The following MBD5 variants were observed in gnomAD, a reference collection of about 807,000 sequenced individuals.
MBD5 encodes the protein methyl-CpG binding domain protein 5.
Under a neutral mutation model 117.3 loss-of-function variants are expected in MBD5, and 13 were observed. The ratio of observed to expected loss-of-function variants is 0.11; its 90% CI spans 0.07 to 0.18. The LOEUF (loss-of-function observed/expected upper bound fraction) is 0.18, where lower values mean the gene tolerates loss of function less well. Among genes scored for constraint, MBD5 ranks in the 10% least tolerant of loss-of-function variants. MBD5 has a pLI of 1.00. For missense variants in MBD5, 1,879 were observed against 2,093.8 expected, an observed-to-expected ratio of 0.90 and a Z score of 2.00; for synonymous variants, 727 against 766.4, an observed-to-expected ratio of 0.95 and a Z score of 0.85.
chr2:148,103,004 G>A (rs1245244834), intron 1 of MBD5, among the ~76,000 whole-genome samples: 3 of 152,010 alleles, frequency 2.0e-5, no homozygotes, highest in East Asian at 3.9e-4. Context: ...AACTCACCAA[G>A]AAAAGATAGA....
intron 8 of MBD5, among the ~76,000 whole-genome samples, chr2:148,481,122 GA>G (rs1359985945): frequency 1.3e-5 from 2 of 151,810 alleles, no homozygotes; most frequent in South Asian, 2.1e-4. Context: ...TTTTTCTAAG[GA>G]AAAAGTTCAA....
chr2:148,420,391 A>G lies in MBD5; in HGVS notation c.-556-37812A>G, dbSNP rs185272090. The stretch of plus-strand genomic sequence containing the variant: ...CTGTCTTTTGTCCCCCAACTTCAAA[A>G]CCCATCTCCTATTTCATTTTTGTAT... On this transcript the variant is annotated intron_variant, in intron 4 of 13. Coordinates refer to ENST00000642680, the MANE Select transcript of MBD5 (RefSeq NM_001378120.1). Among the ~76,000 whole-genome samples the G allele has an allele frequency of 6.2e-4, 94 of 152,094 alleles. 2 individuals are homozygous for G. Among genetic ancestry groups the G allele is most frequent in the Admixed American group, 2.1e-3 (32 of 15,258 alleles).
chr2:148,294,196 GTTTTTTTTTTTTTTTTTTTT>G (rs60942822), intron 3 of MBD5, among the ~76,000 whole-genome samples: 19 of 127,152 alleles, frequency 1.5e-4, no homozygotes, highest in African/African-American at 4.5e-4. Flanking sequence ...CCAGAATGAA[GTTTTTTTTTTTTTTTTTTTT>G]TTTTTTTTTT....
intron 11 of MBD5, among the ~76,000 whole-genome samples, chr2:148,501,785 G>C (rs1400281848): frequency 6.6e-6 from 1 of 152,150 alleles, no homozygotes; most frequent in East Asian, 1.9e-4. Context: ...ACAAGGCATA[G>C]CAACACCCTC....
chr2:148,399,085 G>A (rs1048163307), intron 4 of MBD5, among the ~76,000 whole-genome samples: 4 of 152,156 alleles, frequency 2.6e-5, no homozygotes, highest in Admixed American at 6.5e-5. Context: ...GTCAGGTAGA[G>A]TGATGCCTCC....
intron 1 of MBD5, among the ~76,000 whole-genome samples, chr2:148,063,925 A>G (rs928041341): frequency 2.6e-5 from 4 of 151,986 alleles, no homozygotes; most frequent in Non-Finnish European, 4.4e-5. Context: ...AGTGCCAACA[A>G]GCTCTAGTTT....
chr2:148,357,422 A>G (rs1703411952), intron 4 of MBD5, among the ~76,000 whole-genome samples: 1 of 150,890 alleles, frequency 6.6e-6, no homozygotes, highest in Non-Finnish European at 1.5e-5. Context: ...TGTCCTTTGT[A>G]GGTCATCTGC....
intron 1 of MBD5, among the ~76,000 whole-genome samples, chr2:148,166,579 A>G (rs1052007174): frequency 6.6e-6 from 1 of 152,134 alleles, no homozygotes; most frequent in Non-Finnish European, 1.5e-5. Context: ...CTTTTCCTAC[A>G]TCACTGAGGA....
At chr2:148,233,981 C>T (rs1425223417) in intron 3 of MBD5, among the ~76,000 whole-genome samples, 1 of 152,122 alleles carries the variant, frequency 6.6e-6, no homozygotes, top group East Asian at 1.9e-4. Flanking sequence ...GCTCCTATTG[C>T]TCCCAAAGAG....
intron 4 of MBD5, among the ~76,000 whole-genome samples, chr2:148,426,247 A>G (rs1480517302): frequency 6.6e-6 from 1 of 152,212 alleles, no homozygotes; most frequent in Admixed American, 6.5e-5. Context: ...TATAGATTCA[A>G]TGCCATCCCC....
Position 148,151,359 on chromosome 2 carries a change from G to C in MBD5, c.-924-27341G>C, listed in dbSNP as rs1410699822. Among the ~76,000 whole-genome samples the C allele has an allele frequency of 1.9e-4, 29 of 151,838 alleles. No homozygotes were observed. The East Asian group carries it at 5.4e-3, about 28-fold the overall frequency. The stretch of plus-strand genomic sequence containing the variant: ...TTTGGTTTGCCAGTATTTTATTGAG[G>C]ATTTTTGCATCAATGTTCATCAAGG... On this transcript the variant is annotated intron_variant, in intron 1 of 13. Transcript: ENST00000642680.
At chr2:148,425,442 A>T (rs1368417398) in intron 4 of MBD5, among the ~76,000 whole-genome samples, 1 of 152,216 alleles carries the variant, frequency 6.6e-6, no homozygotes, top group East Asian at 1.9e-4. Context: ...TTCACAGCCA[A>T]ATTCTACCAG....
intron 1 of MBD5, among the ~76,000 whole-genome samples, chr2:148,051,604 A>AGT (rs59584574): frequency 0.12 from 17,320 of 138,856 alleles, 1,059 homozygotes; most frequent in Non-Finnish European, 0.14. Context: ...CTGTTTGTTG[A>AGT]GTGTGTGTGT....
At chr2:148,458,937 G>A (rs906136274) in intron 5 of MBD5, 66 bp downstream of exon 5, 13 of 1,252,708 alleles carry the variant, frequency 1.0e-5, no homozygotes, top group Admixed American at 1.0e-4. Context: ...AGAGAACCAA[G>A]CATGGTGACT....
At chr2:148,368,036 T>C (rs2105347642) in intron 4 of MBD5, among the ~76,000 whole-genome samples, 1 of 152,316 alleles carries the variant, frequency 6.6e-6, no homozygotes, top group East Asian at 1.9e-4. Flanking sequence ...TGTACGTTTA[T>C]TGCAGCATTA....
intron 4 of MBD5, among the ~76,000 whole-genome samples, chr2:148,437,490 A>C (rs1706188697): frequency 6.6e-6 from 1 of 152,134 alleles, no homozygotes; most frequent in African/African-American, 2.4e-5. Context: ...TAAAATCTTG[A>C]AAGTTACTAT....
intron 10 of MBD5, among the ~76,000 whole-genome samples, chr2:148,488,158 G>A (rs2166485): frequency 0.93 from 142,144 of 152,308 alleles, 66,654 homozygotes; most frequent in Non-Finnish European, 0.99. Context: ...AATTTAGGAC[G>A]GGTATAGTTG....
chr2:148,466,910 A>G (rs891523752), intron 7 of MBD5, among the ~76,000 whole-genome samples: 27 of 152,192 alleles, frequency 1.8e-4, no homozygotes, highest in Non-Finnish European at 3.8e-4. Context: ...TTGTTATGAT[A>G]TGATTTGACC....
intron 3 of MBD5, among the ~76,000 whole-genome samples, chr2:148,276,578 A>G (rs1313763523): frequency 6.6e-6 from 1 of 152,224 alleles, no homozygotes; most frequent in Admixed American, 6.5e-5. Flanking sequence ...TATTTAAAAT[A>G]GTTGTGAAAT....
Sources: allele counts gnomAD v4.1 joint callset (sites outside exome capture counted in the v4.1 genomes callset), GRCh38; gene constraint gnomAD v4.1.1; transcripts MANE v1.5; gene names NCBI Gene and HGNC (gene_info 2026-07-23, HGNC 2026-07-21).